Variants in CMBL observed in about 807,000 individuals in gnomAD.
The protein encoded by CMBL is carboxymethylenebutenolidase homolog.
CMBL carries 17 observed loss-of-function variants against 28.7 expected under a neutral mutation model. The observed-to-expected ratio is 0.59, with a 90% CI of 0.41 to 0.89. CMBL has a LOEUF of 0.89. CMBL is among the 40% of genes least tolerant of loss of function. The pLI, the probability that CMBL is intolerant of heterozygous loss-of-function variation, is 0.00. For synonymous variants in CMBL, 106 were observed against 101.6 expected (o/e 1.04, Z -0.26); for missense variants, 310 against 298.5 (o/e 1.04, Z -0.28).
chr5:10,281,886 G>A (rs189177085), intron 5 of CMBL, among the ~76,000 whole-genome samples: 3,304 of 140,068 alleles, frequency 0.024, 110 homozygotes, highest in South Asian at 0.14. Context: ...GAGGCCAGGC[G>A]TGGTGGCTCA....
At position 10,282,111 on chromosome 5, in the gene CMBL, G is replaced by T. The variant is rs1746504983; in HGVS notation, c.558+86C>A. 7 of 921,354 alleles carry T rather than the reference G, an allele frequency of 7.6e-6. No individual in the cohort carries two copies. The South Asian group carries it at 9.7e-5, about 13-fold the overall frequency. The allele number at this position is 921,354 out of a possible 1,614,324, so 57.1% of individuals were successfully genotyped here. A position where few individuals can be genotyped will look rare whatever the true frequency, so the allele number is the denominator to read the frequency against. The stretch of plus-strand genomic sequence containing the variant: ...GGAGGTGGAGGTTGCAGTGAGCCGA[G>T]ATCGCGCCACTGCATTCCAGCCTGG... On this transcript the variant is annotated intron_variant, in intron 5 of 5. Coordinates refer to ENST00000296658, the MANE Select transcript of CMBL (RefSeq NM_138809.4).
rs1451298851 is a variant in CMBL, at chr5:10,288,298, G to A, written c.323+124C>T. On this transcript the variant is annotated intron_variant, in intron 3 of 5. Transcript: ENST00000296658. ...TTTTTCTCCTTTGTGCCAGGGGAAG[G>A]ATTCCATTGGCCATGGAGAAGTCCT... 1.7e-5 allele frequency: 12 copies of A among 715,612 alleles called. No individual in the cohort carries two copies. In the South Asian group the frequency reaches 1.7e-4, roughly 10 times the overall value. The allele number at this position is 715,612 out of a possible 1,614,324, so 44.3% of individuals were successfully genotyped here.
rs1672278348 is a variant in CMBL, at chr5:10,290,853, C to T, written c.-19-72G>A. The T allele has an allele frequency of 1.2e-5, 14 of 1,153,556 alleles. 1 individual carries two copies. The highest frequency in any genetic ancestry group is 2.1e-4 in the Middle Eastern group (1 of 4,858). 71.5% of individuals were successfully genotyped at this position (1,153,556 alleles called of 1,614,324 possible). A position where few individuals can be genotyped will look rare whatever the true frequency, so the allele number is the denominator to read the frequency against. On this transcript the variant is annotated intron_variant, in intron 1 of 5. Coordinates refer to ENST00000296658, the MANE Select transcript of CMBL (RefSeq NM_138809.4). ...AAGGCTATAAATGGTAAGTAAACCT[C>T]AAATCAAGATTATAGAAAAAAATTC...
chr5:10,303,523 C>T (rs1201595324), intron 1 of CMBL, among the ~76,000 whole-genome samples: 3 of 152,088 alleles, frequency 2.0e-5, no homozygotes, highest in African/African-American at 7.2e-5. Flanking sequence ...TCTACTTGAA[C>T]GACAGGAAAA....
chr5:10,281,653 G>A (rs908339242), intron 5 of CMBL, among the ~76,000 whole-genome samples: 5 of 152,190 alleles, frequency 3.3e-5, no homozygotes, highest in East Asian at 1.9e-4. Context: ...AAGAGGTCCC[G>A]TTTCTCCACC....
chr5:10,285,008 T>TTTTTTTTTTTTTTA (rs1561061676), intron 4 of CMBL, among the ~76,000 whole-genome samples: 1 of 151,776 alleles, frequency 6.6e-6, no homozygotes, highest in African/African-American at 2.4e-5. Flanking sequence ...TTTTTTTTAT[T>TTTTTTTTTTTTTTA]TTTTATTTTA....
At chr5:10,288,606 C>G in intron 2 of CMBL, 77 bp from the exon 3 acceptor site, 2 of 1,147,172 alleles carry the variant, frequency 1.7e-6, no homozygotes, top group Non-Finnish European at 2.6e-6. Context: ...TATTTAAAAA[C>G]TTGCTACGTT....
Position 10,279,611 on chromosome 5 carries a change from G to A in CMBL, c.*842C>T, listed in dbSNP as rs1269020728. On this transcript the variant is annotated 3_prime_UTR_variant, in exon 6 of 6. Transcript: ENST00000296658. ...GGCTGGAGTGCAGTAGCGCAACCTC[G>A]ACTCACTGCAACCTCTGCCTCCAGG... is the stretch of plus-strand genomic sequence containing the variant. The A allele has an allele frequency of 2.0e-5, 3 of 151,092 alleles. No individual in the cohort carries two copies. The highest frequency in any genetic ancestry group is 6.6e-5 in the Admixed American group (1 of 15,130). The allele number at this position is 151,092 out of a possible 1,614,324, so 9.4% of individuals were successfully genotyped here. A position where few individuals can be genotyped will look rare whatever the true frequency, so the allele number is the denominator to read the frequency against.
rs549727070 is a variant in CMBL, at chr5:10,290,522, A to G, written c.215+26T>C. ...ACCACTGAAATTTGTATGAATTTAA[A>G]CAAAGAAACACAACTTTATACATAC... On this transcript the variant is annotated intron_variant, in intron 2 of 5. Transcript: ENST00000296658. 4.7e-5 allele frequency: 75 copies of G among 1,581,008 alleles called. 2 individuals carry two copies. The South Asian group carries it at 8.2e-4, about 17-fold the overall frequency.
At chr5:10,285,739 C>G (rs959902630) in intron 4 of CMBL, among the ~76,000 whole-genome samples, 1 of 145,724 alleles carries the variant, frequency 6.9e-6, no homozygotes, top group African/African-American at 2.5e-5. Flanking sequence ...GCTCTGTCAC[C>G]CAGGCTGGAG....
intron 3 of CMBL, 97 bp downstream of exon 3, chr5:10,288,325 C>T: frequency 3.4e-6 from 3 of 877,742 alleles, no homozygotes; most frequent in African/African-American, 1.7e-5. Context: ...AGAAGTCCTA[C>T]CCCAAGGTAA....
At chr5:10,305,391 T>A (rs1469062638) in intron 1 of CMBL, among the ~76,000 whole-genome samples, 1 of 151,902 alleles carries the variant, frequency 6.6e-6, no homozygotes, top group Non-Finnish European at 1.5e-5. Flanking sequence ...TCAACAGTGA[T>A]CCCCATGGGT....
At chr5:10,292,570 A>G (rs528394680) in intron 1 of CMBL, among the ~76,000 whole-genome samples, 1 of 152,204 alleles carries the variant, frequency 6.6e-6, no homozygotes, top group East Asian at 1.9e-4. Context: ...CACGCCTGTA[A>G]TCCCAGCACT....
chr5:10,294,037 T>A (rs772015227), intron 1 of CMBL, among the ~76,000 whole-genome samples: 3 of 152,092 alleles, frequency 2.0e-5, no homozygotes, highest in African/African-American at 7.2e-5. Flanking sequence ...CCTGCAGATA[T>A]CTGGAGGAAG....
intron 1 of CMBL, among the ~76,000 whole-genome samples, chr5:10,301,481 T>A (rs1307058984): frequency 6.7e-6 from 1 of 149,486 alleles, no homozygotes; most frequent in Non-Finnish European, 1.5e-5. Context: ...ATCAACACCA[T>A]GACCAAAGGT....
At chr5:10,305,411 T>C (rs1248422753) in intron 1 of CMBL, among the ~76,000 whole-genome samples, 2 of 151,704 alleles carry the variant, frequency 1.3e-5, no homozygotes, top group South Asian at 2.1e-4. Flanking sequence ...TTTTGATGTG[T>C]AATTTTCCAG....
chr5:10,294,272 G>T (rs1227340371), intron 1 of CMBL, among the ~76,000 whole-genome samples: 1 of 152,156 alleles, frequency 6.6e-6, no homozygotes, highest in African/African-American at 2.4e-5. Flanking sequence ...GGCTTTATTT[G>T]ACTTGATTTA....
rs555613377 is a variant in CMBL at position 10,295,061 on chromosome 5, A to G, written c.-19-4280T>C. Among the ~76,000 whole-genome samples the G allele has an allele frequency of 4.6e-5, 7 of 151,874 alleles. No homozygotes were observed. In the South Asian group the frequency reaches 1.5e-3, roughly 32 times the overall value. On this transcript the variant is annotated intron_variant, in intron 1 of 5. Transcript: ENST00000296658. ...GACCCTCATTGTTTGCAGATCCTGT[A>G]TTGATGAATTCATCTACTTGCTGAT...
intron 3 of CMBL, among the ~76,000 whole-genome samples, chr5:10,286,709 C>T (rs1423766179): frequency 6.6e-6 from 1 of 152,234 alleles, no homozygotes; most frequent in Non-Finnish European, 1.5e-5. Flanking sequence ...AACTGCCTGA[C>T]AGCTGCAGGC....
Sources: gnomAD v4.1 joint callset for allele counts (sites outside exome capture counted in the v4.1 genomes callset) on GRCh38, gnomAD v4.1.1 for gene constraint, MANE v1.5 for transcripts, NCBI Gene and HGNC (gene_info 2026-07-23, HGNC 2026-07-21) for gene names.